MAP2K1: variants seen among roughly 807,000 people sequenced by gnomAD.
The protein encoded by MAP2K1 is dual specificity mitogen-activated protein kinase kinase 1.
A neutral mutation model predicts 46.3 loss-of-function variants in MAP2K1; 16 were observed. The ratio of observed to expected loss-of-function variants is 0.35; its 90% confidence interval spans 0.23 to 0.52. The LOEUF (loss-of-function observed/expected upper bound fraction) is 0.52, where lower values mean the gene tolerates loss of function less well. MAP2K1 is among the 20% of genes least tolerant of loss of function. MAP2K1 has a pLI of 0.94. For missense variants in MAP2K1, 263 were observed against 497.1 expected (o/e 0.53, Z 4.48); for synonymous variants, 183 against 185.6 (o/e 0.99, Z 0.11).
rs6494575 is a variant in MAP2K1 at position 66,465,737 on chromosome 15, G to A, written c.569-16018G>A. Among the ~76,000 whole-genome samples the A allele has an allele frequency of 2.9e-3, 445 of 152,152 alleles. 2 individuals are homozygous for A. Among genetic ancestry groups the A allele is most frequent in the African/African-American group, 0.01 (431 of 41,514 alleles). ...ACGGGTGTACTATAGTTTTTGAAACGTATTTTTTCTCTCTCCACTTTCCTG... is the reference window on the plus strand; with the variant it reads ...ACGGGTGTACTATAGTTTTTGAAACATATTTTTTCTCTCTCCACTTTCCTG... On this transcript the variant is annotated intron_variant, in intron 5 of 10. Transcript: ENST00000307102.
intron 5 of MAP2K1, among the ~76,000 whole-genome samples, chr15:66,469,693 G>GACACACACACACACACACACACACACAC (rs56197290): frequency 0.013 from 1,084 of 84,808 alleles, 32 homozygotes; most frequent in Non-Finnish European, 0.014. Context: ...TCCTTTTAAA[G>GACACACACACACACACACACACACACAC]ACACACACAC....
intron 1 of MAP2K1, among the ~76,000 whole-genome samples, chr15:66,432,232 A>G (rs891846): frequency 0.99 from 150,245 of 152,244 alleles, 74,164 homozygotes; most frequent in East Asian, 1. Flanking sequence ...GAAAGTCTTT[A>G]CCACCCCAGC....
chr15:66,444,921 A>C, intron 5 of MAP2K1: 2 of 559,240 alleles, frequency 3.6e-6, no homozygotes, highest in Non-Finnish European at 6.5e-6. Context: ...GCTGTGATGG[A>C]CAATAGTCAT....
At chr15:66,434,042 C>A (rs571197168) in intron 1 of MAP2K1, among the ~76,000 whole-genome samples, 2 of 152,342 alleles carry the variant, frequency 1.3e-5, no homozygotes, top group South Asian at 2.1e-4. Flanking sequence ...CAGCTTGTTC[C>A]CAAACCCATT....
chr15:66,489,191 T>C, intron 8 of MAP2K1, 24 bp from the exon 9 acceptor site: 1 of 1,606,310 alleles, frequency 6.2e-7, no homozygotes, highest in Non-Finnish European at 8.5e-7. Context: ...CAGGCATTTT[T>C]CTTATCTCAA....
At chr15:66,469,548 C>T (rs1201645968) in intron 5 of MAP2K1, among the ~76,000 whole-genome samples, 1 of 132,552 alleles carries the variant, frequency 7.5e-6, no homozygotes, top group Non-Finnish European at 1.5e-5. Flanking sequence ...TCTCATGCAG[C>T]AGAGGGTGCA....
At chr15:66,439,918 A>G (rs1731742239) in intron 3 of MAP2K1, among the ~76,000 whole-genome samples, 1 of 147,128 alleles carries the variant, frequency 6.8e-6, no homozygotes. Flanking sequence ...CTGGGTGACA[A>G]GAGCAAAACT....
chr15:66,429,674 C>CTCG (rs769639468), intron 1 of MAP2K1, among the ~76,000 whole-genome samples: 2 of 40,090 alleles, frequency 5.0e-5, no homozygotes, highest in East Asian at 1.6e-3. Context: ...GCCCCCCCCC[C>CTCG]CCCCGTCCCC....
chr15:66,411,528 A>G (rs1298743649), intron 1 of MAP2K1, among the ~76,000 whole-genome samples: 1 of 152,222 alleles, frequency 6.6e-6, no homozygotes, highest in Non-Finnish European at 1.5e-5. Context: ...CAGACCCTGC[A>G]GATTTTTGAT....
intron 1 of MAP2K1, among the ~76,000 whole-genome samples, chr15:66,410,543 G>T (rs561365705): frequency 1.3e-5 from 2 of 152,262 alleles, no homozygotes; most frequent in East Asian, 3.9e-4. Flanking sequence ...CCATATTTTT[G>T]ATATATAATC....
At chr15:66,409,467 C>T (rs947018146) in intron 1 of MAP2K1, among the ~76,000 whole-genome samples, 1 of 152,104 alleles carries the variant, frequency 6.6e-6, no homozygotes, top group East Asian at 1.9e-4. Flanking sequence ...TGCTGGTCTC[C>T]TTGATGGATA....
At chr15:66,412,480 A>G (rs1017568392) in intron 1 of MAP2K1, among the ~76,000 whole-genome samples, 94 of 152,320 alleles carry the variant, frequency 6.2e-4, no homozygotes, top group African/African-American at 2.1e-3. Context: ...GGAAGCCAGT[A>G]TCTCCTGCAT....
At chr15:66,441,168 G>A (rs574923703) in intron 3 of MAP2K1, among the ~76,000 whole-genome samples, 3 of 152,142 alleles carry the variant, frequency 2.0e-5, no homozygotes, top group South Asian at 4.2e-4. Flanking sequence ...TCACTACTAC[G>A]TGGCCCAGGC....
chr15:66,443,360 G>A lies in MAP2K1; in HGVS notation c.516+3G>A, dbSNP rs2140598348. On this transcript the variant is annotated splice_donor_region_variant and intron_variant, in intron 4 of 10. Coordinates refer to ENST00000307102, the MANE Select transcript of MAP2K1 (RefSeq NM_002755.4). ...TTTTAGGAAAAGTTAGCATTGCTGT[G>A]AGTATGTTATGAAGTTTTTCTTCTA... 8.8e-6 allele frequency: 14 copies of A among 1,587,010 alleles called. No individual in the cohort carries two copies. Among genetic ancestry groups the A allele is most frequent in the Non-Finnish European group, 1.1e-5 (13 of 1,155,444 alleles).
intron 1 of MAP2K1, among the ~76,000 whole-genome samples, chr15:66,413,308 C>T (rs1392237810): frequency 6.6e-6 from 1 of 152,180 alleles, no homozygotes; most frequent in Admixed American, 6.5e-5. Flanking sequence ...AGGGAATAAG[C>T]TTGACTCTTC....
intron 3 of MAP2K1, among the ~76,000 whole-genome samples, chr15:66,440,401 TG>T (rs1441437642): frequency 2.0e-5 from 3 of 152,162 alleles, no homozygotes; most frequent in Non-Finnish European, 2.9e-5. Context: ...CCTGGGAATG[TG>T]TTTTAAAGTA....
At chr15:66,405,947 T>C (rs1360011420) in intron 1 of MAP2K1, among the ~76,000 whole-genome samples, 1 of 152,226 alleles carries the variant, frequency 6.6e-6, no homozygotes, top group Non-Finnish European at 1.5e-5. Context: ...ACAGTTCAAA[T>C]GACAGAGGGA....
chr15:66,407,923 A>G (rs1207668151), intron 1 of MAP2K1, among the ~76,000 whole-genome samples: 1 of 152,230 alleles, frequency 6.6e-6, no homozygotes, highest in East Asian at 1.9e-4. Context: ...TCTATTTGGA[A>G]TTTTGTGACT....
intron 5 of MAP2K1, among the ~76,000 whole-genome samples, chr15:66,478,398 G>A (rs1263781861): frequency 1.0e-5 from 1 of 98,020 alleles, no homozygotes; most frequent in East Asian, 3.7e-4. Context: ...AGATATGTGT[G>A]TGTATATATA....
Sources: gnomAD v4.1 joint callset for allele counts (sites outside exome capture counted in the v4.1 genomes callset) on GRCh38, gnomAD v4.1.1 for gene constraint, MANE v1.5 for transcripts, NCBI Gene and HGNC (gene_info 2026-07-23, HGNC 2026-07-21) for gene names.